EIPR1: variants seen among roughly 807,000 people sequenced by gnomAD.
The protein encoded by EIPR1 is EARP and GARP complex-interacting protein 1.
A neutral mutation model predicts 48.1 loss-of-function variants in EIPR1; 25 were observed. The observed-to-expected ratio is 0.52, with a 90% CI of 0.38 to 0.73. EIPR1 has a LOEUF of 0.73. Ranked by LOEUF, EIPR1 falls within the 30% of genes least tolerant of loss-of-function variation. The pLI, the probability that EIPR1 is intolerant of heterozygous loss-of-function variation, is 0.00. For synonymous variants in EIPR1, 204 were observed against 201.9 expected (o/e 1.01, Z -0.09); for missense variants, 415 against 506.2 (o/e 0.82, Z 1.73).
At position 3,287,686 on chromosome 2, in the gene EIPR1, G is replaced by A. The variant is rs954594149; in HGVS notation, c.260-30231C>T. Among the ~76,000 whole-genome samples, 8 of 146,342 alleles carry A rather than the reference G, an allele frequency of 5.5e-5. No homozygotes were observed. In the East Asian group the frequency reaches 8.8e-4, roughly 16 times the overall value. ...ACAATCCGGAAAGCGCGTTCACCAC[G>A]CTCCAGAAAGCTCATTCACCACGCT... is the stretch of plus-strand genomic sequence containing the variant. On this transcript the variant is annotated intron_variant, in intron 3 of 8. Coordinates refer to ENST00000382125, the MANE Select transcript of EIPR1 (RefSeq NM_003310.5).
rs566605791 is a variant in EIPR1 at position 3,258,918 on chromosome 2, TTTTA to T, written c.260-1467_260-1464del. 9.1e-3 allele frequency among the ~76,000 whole-genome samples: 1,377 copies of T among 152,078 alleles called. 24 individuals carry two copies. Among genetic ancestry groups the T allele is most frequent in the African/African-American group, 0.031 (1,268 of 41,482 alleles). On this transcript the variant is annotated intron_variant, in intron 3 of 8. Coordinates refer to ENST00000382125, the MANE Select transcript of EIPR1 (RefSeq NM_003310.5). The stretch of plus-strand genomic sequence containing the variant: ...ACAGACAGTTCTGTCTACAAGGGAA[TTTTA>T]TTTATTTATTTATTTATTTATTTGC...
chr2:3,256,387 G>A (rs1267156452), intron 4 of EIPR1, among the ~76,000 whole-genome samples: 1 of 152,084 alleles, frequency 6.6e-6, no homozygotes, highest in Admixed American at 6.5e-5. Context: ...AGTTAGTTGT[G>A]TACACCCTGG....
rs143599906 is a variant in EIPR1, at chr2:3,351,989, C to T, written c.126+2561G>A. 5.4e-5 allele frequency among the ~76,000 whole-genome samples: 8 copies of T among 148,662 alleles called. No individual in the cohort carries two copies. In the East Asian group the frequency reaches 1.6e-3, roughly 29 times the overall value. On this transcript the variant is annotated intron_variant, in intron 2 of 8. Transcript: ENST00000382125. ...CATCCCTTTGATCAGCATATCCATGCTACAGAAGCTACCTGCCCCTGAGCC... is the reference window on the plus strand; with the variant it reads ...CATCCCTTTGATCAGCATATCCATGTTACAGAAGCTACCTGCCCCTGAGCC...
At chr2:3,361,513 A>C (rs900959155) in intron 1 of EIPR1, among the ~76,000 whole-genome samples, 3 of 150,294 alleles carry the variant, frequency 2.0e-5, no homozygotes, top group African/African-American at 7.3e-5. Flanking sequence ...TGTCCCTCCC[A>C]AACTACTGCC....
chr2:3,291,063 C>G (rs1310289417), intron 3 of EIPR1, among the ~76,000 whole-genome samples: 1 of 152,150 alleles, frequency 6.6e-6, no homozygotes, highest in African/African-American at 2.4e-5. Context: ...GAGATTCCCC[C>G]ACGGCTGGCA....
intron 3 of EIPR1, among the ~76,000 whole-genome samples, chr2:3,288,592 C>T (rs548435988): frequency 1.3e-5 from 2 of 152,174 alleles, no homozygotes; most frequent in African/African-American, 4.8e-5. Flanking sequence ...AGGGCAGATG[C>T]GGCCTGGAAT....
intron 3 of EIPR1, among the ~76,000 whole-genome samples, chr2:3,294,131 A>T (rs1668455282): frequency 6.6e-6 from 1 of 152,146 alleles, no homozygotes; most frequent in African/African-American, 2.4e-5. Flanking sequence ...ATTGTGTAGA[A>T]GTAATATTGT....
chr2:3,274,386 C>A, intron 3 of EIPR1: 1 of 1,550,358 alleles, frequency 6.5e-7, no homozygotes, highest in South Asian at 1.2e-5. Context: ...CCCAAGAGCA[C>A]CAAAGGAATC....
At chr2:3,357,475 A>G (rs1670756998) in intron 1 of EIPR1, among the ~76,000 whole-genome samples, 1 of 152,238 alleles carries the variant, frequency 6.6e-6, no homozygotes, top group Admixed American at 6.5e-5. Flanking sequence ...CTTAATATGC[A>G]GACAAGATTG....
intron 3 of EIPR1, among the ~76,000 whole-genome samples, chr2:3,307,355 C>T (rs943043683): frequency 2.4e-4 from 36 of 152,222 alleles, no homozygotes; most frequent in African/African-American, 8.7e-4. Context: ...GCGGCTCCTG[C>T]CCTAATGTCT....
intron 3 of EIPR1, among the ~76,000 whole-genome samples, chr2:3,268,747 C>A (rs1441715710): frequency 6.6e-6 from 1 of 152,176 alleles, no homozygotes; most frequent in African/African-American, 2.4e-5. Flanking sequence ...CACAAGTGCA[C>A]AGGGGTGGGA....
At chr2:3,190,593 C>A (rs904079942) in intron 8 of EIPR1, among the ~76,000 whole-genome samples, 2 of 152,268 alleles carry the variant, frequency 1.3e-5, no homozygotes, top group African/African-American at 4.8e-5. Flanking sequence ...CATGACATTG[C>A]CGCCCAGAAG....
At chr2:3,252,234 A>T (rs1273366062) in intron 4 of EIPR1, among the ~76,000 whole-genome samples, 6 of 152,220 alleles carry the variant, frequency 3.9e-5, no homozygotes, top group East Asian at 1.9e-4. Context: ...TCCACAGAGA[A>T]CACCACACGT....
At chr2:3,349,650 G>A (rs564457288) in intron 2 of EIPR1, among the ~76,000 whole-genome samples, 4 of 152,168 alleles carry the variant, frequency 2.6e-5, no homozygotes, top group African/African-American at 9.6e-5. Flanking sequence ...CTGGGAGACA[G>A]GGACAGGGAG....
chr2:3,233,871 G>A (rs1165627563), intron 4 of EIPR1, among the ~76,000 whole-genome samples: 1 of 152,196 alleles, frequency 6.6e-6, no homozygotes, highest in Admixed American at 6.5e-5. Flanking sequence ...AAATCTCAAA[G>A]ATAGGAGTCA....
rs188873201 is a variant in EIPR1, at chr2:3,210,882, A to G, written c.516+3267T>C. On this transcript the variant is annotated intron_variant, in intron 5 of 8. Transcript: ENST00000382125. ...TCAAACTCCTGATGTAAGGTGATCC[A>G]CCCGCCTCAACCTCCCAAAGTGCTG... Among the ~76,000 whole-genome samples, 1,098 of 151,336 alleles carry G rather than the reference A, an allele frequency of 7.3e-3. 14 individuals carry two copies. Among genetic ancestry groups the G allele is most frequent in the African/African-American group, 0.026 (1,063 of 41,274 alleles).
intron 5 of EIPR1, among the ~76,000 whole-genome samples, chr2:3,199,160 T>TA (rs1664924671): frequency 6.6e-6 from 1 of 151,172 alleles, no homozygotes; most frequent in Non-Finnish European, 1.5e-5. Flanking sequence ...TTATCCGTTT[T>TA]GGTAATAAGA....
chr2:3,356,641 CT>C (rs1204194949), intron 1 of EIPR1, among the ~76,000 whole-genome samples: 2 of 152,232 alleles, frequency 1.3e-5, no homozygotes, highest in African/African-American at 4.8e-5. Flanking sequence ...TAAAGGGACT[CT>C]GCTGATGTGC....
chr2:3,260,534 G>GGAGT (rs1667302137), intron 3 of EIPR1, among the ~76,000 whole-genome samples: 1 of 136,212 alleles, frequency 7.3e-6, no homozygotes, highest in Non-Finnish European at 1.6e-5. Flanking sequence ...AGGGAGGGAG[G>GGAGT]GAGGGAAGGA....
Sources: gnomAD v4.1 joint callset for allele counts (sites outside exome capture counted in the v4.1 genomes callset) on GRCh38, gnomAD v4.1.1 for gene constraint, MANE v1.5 for transcripts, NCBI Gene and HGNC (gene_info 2026-07-23, HGNC 2026-07-21) for gene names.